Variants in TCAF1 observed in about 807,000 individuals in gnomAD.
The protein encoded by TCAF1 is TRPM8 channel associated factor 1, also known as TRPM8 channel-associated factor 1.
In TCAF1, 4 loss-of-function variants were observed where a neutral mutation model predicts 27.3. The observed-to-expected ratio is 0.15, with a 90% CI of 0.07 to 0.34. The LOEUF (loss-of-function observed/expected upper bound fraction) is 0.34, where lower values mean the gene tolerates loss of function less well. Ranked by LOEUF, TCAF1 falls within the 10% of genes least tolerant of loss-of-function variation. The pLI, the probability that TCAF1 is intolerant of heterozygous loss-of-function variation, is 1.00. For missense variants in TCAF1, 257 were observed against 425.8 expected (o/e 0.60, Z 3.49); for synonymous variants, 105 against 167.1 (o/e 0.63, Z 2.87).
chr7:143,865,122 TA>T, intron 2 of TCAF1, among the ~76,000 whole-genome samples: 1 of 151,226 alleles, frequency 6.6e-6, no homozygotes, highest in African/African-American at 2.4e-5. Flanking sequence ...TTTTAGTTCT[TA>T]TAATTAGAGT....
chr7:143,895,634 CA>C (rs1244476941), intron 1 of TCAF1, among the ~76,000 whole-genome samples: 4 of 151,514 alleles, frequency 2.6e-5, no homozygotes, highest in Non-Finnish European at 4.4e-5. Flanking sequence ...CATTATAACT[CA>C]GGGTTTTTTT....
intron 1 of TCAF1, among the ~76,000 whole-genome samples, chr7:143,897,169 T>C (rs1586803127): frequency 8.9e-6 from 1 of 111,948 alleles, no homozygotes; most frequent in Non-Finnish European, 1.9e-5. Flanking sequence ...TATATATATA[T>C]ATATATATTC....
chr7:143,886,288 G>C (rs1472507359), intron 1 of TCAF1, among the ~76,000 whole-genome samples: 1 of 152,138 alleles, frequency 6.6e-6, no homozygotes, highest in Non-Finnish European at 1.5e-5. Context: ...GTTGTCCTGG[G>C]ACCAAACTGT....
intron 1 of TCAF1, among the ~76,000 whole-genome samples, chr7:143,896,133 A>G (rs999057159): frequency 6.6e-6 from 1 of 151,892 alleles, no homozygotes. Context: ...TTTACTACAT[A>G]TATATTTAAA....
rs1401905066 is a variant in TCAF1 at position 143,852,173 on chromosome 7, T to C, written c.*1960A>G. 3 of 151,560 alleles carry C rather than the reference T, an allele frequency of 2.0e-5. No individual in the cohort carries two copies. The highest frequency in any genetic ancestry group is 4.9e-5 in the African/African-American group (2 of 41,214). 9.4% of individuals were successfully genotyped at this position (151,560 alleles called of 1,614,324 possible). On this transcript the variant is annotated 3_prime_UTR_variant, in exon 9 of 9. Transcript: ENST00000479870. ...TGCCTCATTTTATTTTGCTCTATAA[T>C]TGGACCTGAATTTTTTGACATATTG... is the stretch of plus-strand genomic sequence containing the variant.
chr7:143,897,612 A>G (rs2116873258), intron 1 of TCAF1, among the ~76,000 whole-genome samples: 1 of 152,240 alleles, frequency 6.6e-6, no homozygotes, highest in South Asian at 2.1e-4. Flanking sequence ...TATATATTGA[A>G]TAAACATATA....
intron 1 of TCAF1, among the ~76,000 whole-genome samples, chr7:143,877,187 T>C (rs942392901): frequency 6.6e-6 from 1 of 152,156 alleles, no homozygotes; most frequent in South Asian, 2.1e-4. Context: ...ATCGCCACAT[T>C]GCTGACACCT....
intron 1 of TCAF1, chr7:143,885,141 C>A (rs1325176429): frequency 1.0e-6 from 1 of 985,464 alleles, no homozygotes; most frequent in African/African-American, 1.7e-5. Flanking sequence ...GCATCGGGAG[C>A]CGCCCCTGAA....
At chr7:143,885,642 G>T (rs768455096) in intron 1 of TCAF1, 154 of 805,814 alleles carry the variant, frequency 1.9e-4, no homozygotes, top group Non-Finnish European at 2.2e-4. Context: ...TCCAAGGATG[G>T]GTTAAATCTA....
intron 1 of TCAF1, chr7:143,882,770 G>A (rs969777289): frequency 1.3e-5 from 13 of 985,610 alleles, no homozygotes; most frequent in Non-Finnish European, 1.4e-5. Context: ...GGGCAGGTGG[G>A]AGCGGGCAGA....
chr7:143,888,558 T>C (rs977715432), intron 1 of TCAF1, among the ~76,000 whole-genome samples: 59 of 152,228 alleles, frequency 3.9e-4, no homozygotes, highest in African/African-American at 1.4e-3. Context: ...TCAATGAGAA[T>C]GAATAATCAC....
rs3735382 is a variant in TCAF1 at position 143,902,138 on chromosome 7, C to G, written c.-192G>C. On this transcript the variant is annotated 5_prime_UTR_variant, in exon 1 of 9. Coordinates refer to ENST00000479870, the MANE Select transcript of TCAF1 (RefSeq NM_014719.3). Reference sequence around the variant, plus strand: ...GCTTCTCCGCCCAGGAGGCAAAGGGCAGCGGGCTCGAAACTACAGGACTTG... The same window carrying G: ...GCTTCTCCGCCCAGGAGGCAAAGGGGAGCGGGCTCGAAACTACAGGACTTG... 4,132 of 152,444 alleles carry G rather than the reference C, an allele frequency of 0.027. 379 individuals carry two copies. In the East Asian group the frequency reaches 0.32, roughly 12 times the overall value. 9.4% of individuals were successfully genotyped at this position (152,444 alleles called of 1,614,324 possible).
In TCAF1 at chr7:143,876,396, G is replaced by A; in HGVS notation, c.213C>T (p.Ala71=). 1 of 1,614,016 alleles carries A rather than the reference G, an allele frequency of 6.2e-7. No individual in the cohort carries two copies. Among genetic ancestry groups the A allele is most frequent in the Non-Finnish European group, 8.5e-7 (1 of 1,179,948 alleles). ...CGTTCAGGAGAAAGGGCGTGAGCTG[G>A]GCTTCCACCAAGTAGTCCTCATGGG... ...VVSHEDYLVE[A]QLTPFLLNAV... The change falls in exon 2 of 9, where the codon GCC becomes GCT. Residue 71 remains alanine, a synonymous_variant. Transcript: ENST00000479870.
rs1468949301 is a variant in TCAF1 at position 143,852,209 on chromosome 7, T to G, written c.*1924A>C. 1 of 151,800 alleles carries G rather than the reference T, an allele frequency of 6.6e-6. No homozygotes were observed. The highest frequency in any genetic ancestry group is 1.9e-4 in the East Asian group (1 of 5,196). 9.4% of individuals were successfully genotyped at this position (151,800 alleles called of 1,614,324 possible). A position where few individuals can be genotyped will look rare whatever the true frequency, so the allele number is the denominator to read the frequency against. On this transcript the variant is annotated 3_prime_UTR_variant, in exon 9 of 9. Transcript: ENST00000479870. ...TTTTTTGACATATTGTTGATTTGTCTTTCTTTTTTCTTGACTAAATAATCT... is the reference window on the plus strand; with the variant it reads ...TTTTTTGACATATTGTTGATTTGTCGTTCTTTTTTCTTGACTAAATAATCT...
intron 1 of TCAF1, among the ~76,000 whole-genome samples, chr7:143,878,319 CTGATT>C (rs1024415860): frequency 6.6e-6 from 1 of 152,094 alleles, no homozygotes; most frequent in African/African-American, 2.4e-5. Flanking sequence ...TGTATTGATT[CTGATT>C]TAATAGTTTT....
At chr7:143,876,683 G>A in intron 1 of TCAF1, 61 bp from the exon 2 acceptor site, 2 of 1,337,528 alleles carry the variant, frequency 1.5e-6, no homozygotes, top group South Asian at 2.1e-5. Context: ...GAAACAAATA[G>A]AGCAGTTCAC....
chr7:143,897,776 C>A (rs1813955535), intron 1 of TCAF1, among the ~76,000 whole-genome samples: 1 of 152,066 alleles, frequency 6.6e-6, no homozygotes, highest in Non-Finnish European at 1.5e-5. Context: ...GATGATTTTA[C>A]AGGTGATTCA....
intron 1 of TCAF1, among the ~76,000 whole-genome samples, chr7:143,900,804 C>T (rs1026826106): frequency 6.6e-6 from 1 of 152,130 alleles, no homozygotes; most frequent in Non-Finnish European, 1.5e-5. Flanking sequence ...AAATTATGTA[C>T]ATTTACACCT....
chr7:143,894,362 T>A (rs544247163), intron 1 of TCAF1, among the ~76,000 whole-genome samples: 16 of 151,840 alleles, frequency 1.1e-4, no homozygotes, highest in Non-Finnish European at 2.4e-4. Flanking sequence ...AACTCATTTT[T>A]ATTACACCCA....
Sources: allele counts gnomAD v4.1 joint callset (sites outside exome capture counted in the v4.1 genomes callset), GRCh38; gene constraint gnomAD v4.1.1; transcripts MANE v1.5; gene names NCBI Gene and HGNC (gene_info 2026-07-23, HGNC 2026-07-21).